VTCN1: variants seen among roughly 807,000 people sequenced by gnomAD.
VTCN1 encodes the protein V-set domain containing T cell activation inhibitor 1.
VTCN1 carries 26 observed loss-of-function variants against 26.5 expected under a neutral mutation model. The observed-to-expected ratio is 0.98, with a 90% CI of 0.72 to 1.36. The LOEUF (loss-of-function observed/expected upper bound fraction) is 1.36, where lower values mean the gene tolerates loss of function less well. Among genes scored for constraint, VTCN1 ranks in the 40% most tolerant of loss-of-function variants. VTCN1 has a pLI of 0.00. For missense variants in VTCN1, 298 were observed against 337.7 expected, an observed-to-expected ratio of 0.88 and a Z score of 0.92; for synonymous variants, 116 against 130.7, an observed-to-expected ratio of 0.89 and a Z score of 0.77.
At chr1:117,182,852 T>C (rs1199570408) in intron 1 of VTCN1, among the ~76,000 whole-genome samples, 2 of 152,142 alleles carry the variant, frequency 1.3e-5, no homozygotes, top group African/African-American at 2.4e-5. Context: ...CCCAACCTGA[T>C]GCTATGTGCT....
chr1:117,198,860 C>CA (rs889174984), intron 1 of VTCN1, among the ~76,000 whole-genome samples: 50 of 152,138 alleles, frequency 3.3e-4, no homozygotes, highest in Middle Eastern at 3.4e-3. Context: ...AGGTCAGTTA[C>CA]AAAAAAAGCC....
rs189896714 is a variant in VTCN1 at position 117,167,990 on chromosome 1, G to C, written c.97+2117C>G. 9.8e-4 allele frequency among the ~76,000 whole-genome samples: 148 copies of C among 151,600 alleles called. 2 individuals are homozygous for C. In the East Asian group the frequency reaches 0.028, roughly 28 times the overall value. On this transcript the variant is annotated intron_variant, in intron 2 of 5. Coordinates refer to ENST00000369458, the MANE Select transcript of VTCN1 (RefSeq NM_024626.4). This position sits in a 1 kb window ranked among gnomAD's most constrained non-coding sequence, Gnocchi z 4.1. ...AAAAAGAGAAAGAGAGAAGACTAGA[G>C]AGAAAGAAAGAGAGAAAAAAAACCG...
intron 2 of VTCN1, among the ~76,000 whole-genome samples, chr1:117,158,358 C>T (rs1407323997): frequency 2.0e-5 from 3 of 152,224 alleles, no homozygotes. Flanking sequence ...TGGAGGTTCG[C>T]AAACCCCAAT....
chr1:117,192,278 CAA>C (rs1366899001), intron 1 of VTCN1, among the ~76,000 whole-genome samples: 1 of 151,886 alleles, frequency 6.6e-6, no homozygotes, highest in African/African-American at 2.4e-5. Context: ...ACTGTCAACC[CAA>C]AATACTAAAC....
chr1:117,153,326 TG>T lies in VTCN1; in HGVS notation c.488del (p.Ser163Ter). On this transcript the variant is annotated frameshift_variant, in exon 4 of 6. Transcript: ENST00000369458. LOFTEE classifies it high-confidence loss of function. The part of the protein sequence containing the change: ...PEVNVDYNAS[S>X]ETLRCEAPRW... ...GGGGAGCCTCACACCGCAAGGTCTC[TG>T]AGCTGGCATTATAGTCCACATTCAC... 6.2e-7 allele frequency: 1 copy of T among 1,613,874 alleles called. No individual in the cohort carries two copies. The highest frequency in any genetic ancestry group is 8.5e-7 in the Non-Finnish European group (1 of 1,179,746).
At position 117,167,642 on chromosome 1, in the gene VTCN1, T is replaced by C. The variant is rs1390007657; in HGVS notation, c.97+2465A>G. 1.3e-5 allele frequency among the ~76,000 whole-genome samples: 2 copies of C among 152,210 alleles called. No homozygotes were observed. The highest frequency in any genetic ancestry group is 2.9e-5 in the Non-Finnish European group (2 of 68,040). ...TGAAGAGTAGATTGACTCATCACTT[T>C]GGAAAATTGAATGGCAGTATCTACT... is the stretch of plus-strand genomic sequence containing the variant. On this transcript the variant is annotated intron_variant, in intron 2 of 5. Coordinates refer to ENST00000369458, the MANE Select transcript of VTCN1 (RefSeq NM_024626.4). This position sits in a 1 kb window ranked among gnomAD's most constrained non-coding sequence, Gnocchi z 4.1.
At position 117,143,840 on chromosome 1, in the gene VTCN1, T is replaced by C. The variant is rs979967111; in HGVS notation, c.*1431A>G. ...GTGTGTGCTTCATGGAAGGTATATG[T>C]TTGTTGCCTTAATTTGAATTGTGGC... On this transcript the variant is annotated 3_prime_UTR_variant, in exon 6 of 6. Transcript: ENST00000369458. 6.6e-6 allele frequency: 1 copy of C among 152,198 alleles called. No individual in the cohort carries two copies. The highest frequency in any genetic ancestry group is 2.4e-5 in the African/African-American group (1 of 41,460). 9.4% of individuals were successfully genotyped at this position (152,198 alleles called of 1,614,324 possible).
rs148258310 is a variant in VTCN1 at position 117,210,091 on chromosome 1, T to A, written c.32+733A>T. Reference sequence around the variant, plus strand: ...TTTCAAGAAAACCCTGCACTTTCCATCTCTTTCCTTCCAGGAGGGTAAATG... The same window carrying A: ...TTTCAAGAAAACCCTGCACTTTCCAACTCTTTCCTTCCAGGAGGGTAAATG... On this transcript the variant is annotated intron_variant, in intron 1 of 5. Coordinates refer to ENST00000369458, the MANE Select transcript of VTCN1 (RefSeq NM_024626.4). Among the ~76,000 whole-genome samples, 4 of 152,204 alleles carry A rather than the reference T, an allele frequency of 2.6e-5. No homozygotes were observed. In the East Asian group the frequency reaches 7.7e-4, roughly 29 times the overall value.
chr1:117,157,090 T>C, intron 2 of VTCN1, 169 bp from the exon 3 acceptor site: 1 of 865,910 alleles, frequency 1.2e-6, no homozygotes. Flanking sequence ...GACAATCATT[T>C]TGATATATAT....
chr1:117,180,191 A>G (rs1401823989), intron 1 of VTCN1, among the ~76,000 whole-genome samples: 1 of 151,784 alleles, frequency 6.6e-6, no homozygotes, highest in Non-Finnish European at 1.5e-5. Context: ...CAGGTGGAAA[A>G]TTTCACACTG....
At chr1:117,195,851 C>T (rs1017230559) in intron 1 of VTCN1, among the ~76,000 whole-genome samples, 1 of 152,106 alleles carries the variant, frequency 6.6e-6, no homozygotes, top group Non-Finnish European at 1.5e-5. Context: ...ATAGTGTTGA[C>T]TAAAATTAAT....
intron 1 of VTCN1, among the ~76,000 whole-genome samples, chr1:117,208,195 G>C (rs186266949): frequency 8.1e-4 from 124 of 152,316 alleles, no homozygotes; most frequent in African/African-American, 2.9e-3. Flanking sequence ...CAAACTTCAT[G>C]TTATGATGAT....
intron 1 of VTCN1, among the ~76,000 whole-genome samples, chr1:117,196,906 C>T (rs954947573): frequency 6.6e-6 from 1 of 152,118 alleles, no homozygotes; most frequent in Non-Finnish European, 1.5e-5. Flanking sequence ...CACCTGGAGC[C>T]CCTAGAATTT....
chr1:117,191,945 C>T (rs1160031362), intron 1 of VTCN1, among the ~76,000 whole-genome samples: 1 of 151,526 alleles, frequency 6.6e-6, no homozygotes, highest in Non-Finnish European at 1.5e-5. Context: ...GCTTGGGCAA[C>T]CAAGCAAGAC....
intron 1 of VTCN1, among the ~76,000 whole-genome samples, chr1:117,207,196 C>T (rs888427325): frequency 1.3e-5 from 2 of 152,172 alleles, no homozygotes; most frequent in African/African-American, 4.8e-5. Context: ...TCCCAGGATC[C>T]CTCATTCTCT....
At chr1:117,149,150 GTTCTC>G in intron 4 of VTCN1, among the ~76,000 whole-genome samples, 1 of 152,082 alleles carries the variant, frequency 6.6e-6, no homozygotes, top group Non-Finnish European at 1.5e-5. Context: ...AGGGTGTAGT[GTTCTC>G]CCCAAAACCT....
intron 1 of VTCN1, among the ~76,000 whole-genome samples, chr1:117,208,888 C>T (rs547361883): frequency 1.6e-4 from 24 of 152,242 alleles, no homozygotes; most frequent in South Asian, 6.2e-4. Context: ...CTTTCATGAG[C>T]GTTCCAACAT....
intron 1 of VTCN1, among the ~76,000 whole-genome samples, chr1:117,173,008 AG>A (rs1440326010): frequency 3.3e-5 from 5 of 152,188 alleles, no homozygotes; most frequent in African/African-American, 1.2e-4. Context: ...CGCTCTTCAC[AG>A]TAAATCTTGC....
In VTCN1 at chr1:117,170,586, C is replaced by T. The variant is rs112324651; in HGVS notation, c.33-415G>A. ...TGTCATTTGTCTCCCTGTCTTATCT[C>T]CTTCCATAGACTTTAAACTCCATTA... On this transcript the variant is annotated intron_variant, in intron 1 of 5. Transcript: ENST00000369458. 4.6e-5 allele frequency among the ~76,000 whole-genome samples: 7 copies of T among 152,310 alleles called. 1 individual carries two copies. The highest frequency in any genetic ancestry group is 1.7e-4 in the African/African-American group (7 of 41,566).
Sources: gnomAD v4.1 joint callset for allele counts (sites outside exome capture counted in the v4.1 genomes callset) on GRCh38, gnomAD v4.1.1 for gene constraint, Gnocchi (gnomAD v3.1) non-coding constraint, MANE v1.5 for transcripts, NCBI Gene and HGNC (gene_info 2026-07-23, HGNC 2026-07-21) for gene names.